Variants in BRPF1 observed in about 807,000 individuals in gnomAD.
The protein encoded by BRPF1 is bromodomain and PHD finger containing 1, also known as peregrin.
In BRPF1, 15 loss-of-function variants were observed where a neutral mutation model predicts 115.0. That is an observed-to-expected ratio of 0.13 (90% CI 0.09 to 0.20). The LOEUF is 0.20. Among genes scored for constraint, BRPF1 ranks in the 10% least tolerant of loss-of-function variants. The pLI is 1.00. For missense variants in BRPF1, 1,118 were observed against 1,638.3 expected, an observed-to-expected ratio of 0.68 and a Z score of 5.48; for synonymous variants, 647 against 619.8, an observed-to-expected ratio of 1.04 and a Z score of -0.65.
chr3:9,745,425 C>T lies in BRPF1; in HGVS notation c.3069-148C>T. ...CTCTGTTAGGTCATCAGCCTAGCCC[C>T]TGTGGGTGTTTGAATTTGAAATTCC... is the stretch of plus-strand genomic sequence containing the variant. On this transcript the variant is annotated intron_variant, in intron 10 of 13. Transcript: ENST00000383829. This position sits in a 1 kb window ranked among gnomAD's most constrained non-coding sequence, Gnocchi z 5.1. 9.6e-7 allele frequency: 1 copy of T among 1,045,336 alleles called. No individual in the cohort carries two copies. Among genetic ancestry groups the T allele is most frequent in the South Asian group, 1.5e-5 (1 of 65,362 alleles). The allele number at this position is 1,045,336 out of a possible 1,614,324, so 64.8% of individuals were successfully genotyped here.
Position 9,742,825 on chromosome 3 carries a change from G to T in BRPF1, c.2002-119G>T, listed in dbSNP as rs896899097. 10 of 1,103,732 alleles carry T rather than the reference G, an allele frequency of 9.1e-6. No homozygotes were observed. The Admixed American group carries it at 2.5e-4, about 27-fold the overall frequency. 68.4% of individuals were successfully genotyped at this position (1,103,732 alleles called of 1,614,324 possible). On this transcript the variant is annotated intron_variant, in intron 6 of 13. Transcript: ENST00000383829. ...TTCCTTTCCCCTGTGCTATATGCCT[G>T]CCTCTAACTGTGGTGGGAGGAGGTT...
rs2077001665 is a variant in BRPF1, at chr3:9,739,918, G to A, written c.1519G>A (p.Ala507Thr). The stretch of plus-strand genomic sequence containing the variant: ...GAAGATCCTGGCAGAGAAGCGGGCA[G>A]CAGCACCTGTGGTGTCAGTGCCCTG... The part of the protein sequence containing the change: ...ARKILAEKRA[A>T]APVVSVPCIP... Residue 507 changes from alanine (A) to threonine (T), a missense_variant, in exon 3 of 14, where the codon GCA becomes ACA. Coordinates refer to ENST00000383829, the MANE Select transcript of BRPF1 (RefSeq NM_001003694.2). The A allele has an allele frequency of 1.1e-5, 18 of 1,581,356 alleles. No homozygotes were observed. Among genetic ancestry groups the A allele is most frequent in the Non-Finnish European group, 1.5e-5 (17 of 1,164,094 alleles).
Position 9,739,497 on chromosome 3 carries a change from C to T in BRPF1, c.1098C>T (p.Val366=), listed in dbSNP as rs1287336933. The T allele has an allele frequency of 6.2e-7, 1 of 1,613,284 alleles. No homozygotes were observed. The highest frequency in any genetic ancestry group is 8.5e-7 in the Non-Finnish European group (1 of 1,179,434). ...WIPEVCFANT[V]FLEPIDSIEH... ...CTGAGGTCTGCTTCGCCAACACGGT[C>T]TTCCTAGAGCCTATTGACAGCATTG... is the stretch of plus-strand genomic sequence containing the variant. Residue 366 remains valine (V), a synonymous_variant, in exon 3 of 14, where the codon GTC becomes GTT. Transcript: ENST00000383829.
chr3:9,743,764 G>A lies in BRPF1; in HGVS notation c.2498G>A (p.Arg833Gln), dbSNP rs371217917. Residue 833 changes from arginine to glutamine, a missense_variant, in exon 8 of 14, where the codon CGA becomes CAA. Coordinates refer to ENST00000383829, the MANE Select transcript of BRPF1 (RefSeq NM_001003694.2). This position sits in a 1 kb window ranked among gnomAD's most constrained non-coding sequence, Gnocchi z 6.1. ...CTGCGGCGGAAGCTTGCCCATCAGCGAGAGACGGGACGTGATGGCCCTGAG... is the reference window on the plus strand; with the variant it reads ...CTGCGGCGGAAGCTTGCCCATCAGCAAGAGACGGGACGTGATGGCCCTGAG... ...TALRRKLAHQ[R>Q]ETGRDGPERH... 1.1e-5 allele frequency: 17 copies of A among 1,614,194 alleles called. No individual in the cohort carries two copies. The highest frequency in any genetic ancestry group is 5.3e-5 in the African/African-American group (4 of 75,056).
chr3:9,743,807 C>T lies in BRPF1; in HGVS notation c.2541C>T (p.Ser847=). ...GCCCTGAGCGGCATGGCCCCTCGAG[C>T]CGGGGTAGTCTGACACCCCACCCGG... is the stretch of plus-strand genomic sequence containing the variant. The part of the protein sequence containing the change: ...RDGPERHGPS[S]RGSLTPHPAA... The change falls in exon 8 of 14, where the codon AGC becomes AGT. Residue 847 remains serine (S), a synonymous_variant. Coordinates refer to ENST00000383829, the MANE Select transcript of BRPF1 (RefSeq NM_001003694.2). This position sits in a 1 kb window ranked among gnomAD's most constrained non-coding sequence, Gnocchi z 6.1. 1.9e-6 allele frequency: 3 copies of T among 1,611,254 alleles called. No individual in the cohort carries two copies. The highest frequency in any genetic ancestry group is 2.5e-6 in the Non-Finnish European group (3 of 1,177,676).
At chr3:9,733,725 G>A (rs1352095653) in intron 1 of BRPF1, among the ~76,000 whole-genome samples, 1 of 152,190 alleles carries the variant, frequency 6.6e-6, no homozygotes, top group African/African-American at 2.4e-5. Context: ...AAAAACAGCT[G>A]TAACTTGTAA....
At position 9,743,133 on chromosome 3, in the gene BRPF1, G is replaced by A. The variant is rs770573512; in HGVS notation, c.2191G>A (p.Gly731Ser). 6.2e-7 allele frequency: 1 copy of A among 1,614,240 alleles called. No individual in the cohort carries two copies. The highest frequency in any genetic ancestry group is 1.1e-5 in the South Asian group (1 of 91,088). ...GGCAGCAGTGCGGCTTCGTGAGCAG[G>A]GTGGTGCTGTGCTCCGCCAGGCCCG... ...YRAAVRLREQGGAVLRQARRQ... is the reference protein window; with the variant it reads ...YRAAVRLREQSGAVLRQARRQ... The change falls in exon 7 of 14, where the codon GGT (glycine) becomes AGT (serine). Residue 731 changes from glycine to serine, a missense_variant. Around this residue, in one of 10 missense-constraint regions of BRPF1, gnomAD observed 223 missense variants for 240.7 expected, o/e 0.93. Transcript: ENST00000383829. This position sits in a 1 kb window ranked among gnomAD's most constrained non-coding sequence, Gnocchi z 6.1.
intron 1 of BRPF1, among the ~76,000 whole-genome samples, chr3:9,733,743 G>A (rs564064406): frequency 1.3e-5 from 2 of 152,206 alleles, no homozygotes; most frequent in Non-Finnish European, 2.9e-5. Flanking sequence ...TAAAAAGAAA[G>A]GAGGACTAGG....
intron 12 of BRPF1, 79 bp downstream of exon 12, chr3:9,746,009 T>C: frequency 1.4e-6 from 2 of 1,476,294 alleles, no homozygotes; most frequent in Non-Finnish European, 1.9e-6. Flanking sequence ...TCCTACTCCC[T>C]GCTGAGCTGT....
In BRPF1 at chr3:9,743,396, A is replaced by G. The variant is rs2077064799; in HGVS notation, c.2311+143A>G. The G allele has an allele frequency of 7.8e-7, 1 of 1,277,158 alleles. No homozygotes were observed. Among genetic ancestry groups the G allele is most frequent in the Non-Finnish European group, 1.1e-6 (1 of 935,744 alleles). 79.1% of individuals were successfully genotyped at this position (1,277,158 alleles called of 1,614,324 possible). On this transcript the variant is annotated intron_variant, in intron 7 of 13. Coordinates refer to ENST00000383829, the MANE Select transcript of BRPF1 (RefSeq NM_001003694.2). The surrounding 1 kb of genome is among the most constrained non-coding windows in gnomAD (Gnocchi z 6.1). Reference sequence around the variant, plus strand: ...AAGCTATCCCCAGGAATGCTCCCCAAGAAGCCAGACTGGGTGAATGGATAG... The same window carrying G: ...AAGCTATCCCCAGGAATGCTCCCCAGGAAGCCAGACTGGGTGAATGGATAG...
At position 9,734,368 on chromosome 3, in the gene BRPF1, C is replaced by G. The variant is rs1411894599; in HGVS notation, c.228C>G (p.Pro76=). 6.2e-7 allele frequency: 1 copy of G among 1,614,134 alleles called. No individual in the cohort carries two copies. Among genetic ancestry groups the G allele is most frequent in the African/African-American group, 1.3e-5 (1 of 75,032 alleles). The change falls in exon 2 of 14, where the codon CCC becomes CCG. Residue 76 remains proline, a synonymous_variant. Transcript: ENST00000383829. The surrounding 1 kb of genome is among the most constrained non-coding windows in gnomAD (Gnocchi z 5.7). ...RQSRPANKQS[P]SPSEVSQSPG... is the part of the protein sequence containing the mutation. ...CACGCCCAGCCAACAAGCAGTCACC[C>G]AGCCCCTCAGAGGTCTCACAGTCAC...
At chr3:9,737,067 C>T (rs2125496631) in intron 2 of BRPF1, among the ~76,000 whole-genome samples, 1 of 152,328 alleles carries the variant, frequency 6.6e-6, no homozygotes, top group South Asian at 2.1e-4. Context: ...AGATGGTTCA[C>T]ACCATCCATG....
In BRPF1 at chr3:9,747,240, G is replaced by GCCGCAAGTCCAACAT; in HGVS notation, c.3564_3578dup (p.Asn1189_Ser1193dup). ...CTAGACAAGGAGAAGATGCTGGAGG[G>GCCGCAAGTCCAACAT]CCGCAAGTCCAACATCCGCAAGTCA... On this transcript the variant is annotated inframe_insertion, in exon 14 of 14. Coordinates refer to ENST00000383829, the MANE Select transcript of BRPF1 (RefSeq NM_001003694.2). The surrounding 1 kb of genome is among the most constrained non-coding windows in gnomAD (Gnocchi z 5.6). 6.2e-7 allele frequency: 1 copy of GCCGCAAGTCCAACAT among 1,614,186 alleles called. No individual in the cohort carries two copies. The highest frequency in any genetic ancestry group is 2.2e-5 in the East Asian group (1 of 44,890).
At chr3:9,746,507 G>A (rs2077128739) in intron 13 of BRPF1, 53 bp downstream of exon 13, 5 of 1,471,964 alleles carry the variant, frequency 3.4e-6, no homozygotes, top group African/African-American at 1.4e-5. Flanking sequence ...AGCCCTGTGT[G>A]GTATGGGGGC....
rs769564969 is a variant in BRPF1 at position 9,743,565 on chromosome 3, A to G, written c.2312-13A>G. ...CCCTGAGTCTGACCTTTCCCCTCCA[A>G]CCCTACCCCTAGCAGCCGAGGAAGA... is the stretch of plus-strand genomic sequence containing the variant. On this transcript the variant is annotated splice_polypyrimidine_tract_variant and intron_variant, in intron 7 of 13. Transcript: ENST00000383829. The surrounding 1 kb of genome is among the most constrained non-coding windows in gnomAD (Gnocchi z 6.1). The G allele has an allele frequency of 1.2e-6, 2 of 1,607,930 alleles. No homozygotes were observed. The highest frequency in any genetic ancestry group is 1.7e-5 in the Admixed American group (1 of 59,754).
chr3:9,735,018 T>C lies in BRPF1; in HGVS notation c.599+279T>C, dbSNP rs971824902. On this transcript the variant is annotated intron_variant, in intron 2 of 13. Coordinates refer to ENST00000383829, the MANE Select transcript of BRPF1 (RefSeq NM_001003694.2). ...TCAAGAAAGGGTGCCAGATTTATCC[T>C]TTTTTTTTTTTTTTTTTTTTTTGAG... Among the ~76,000 whole-genome samples the C allele has an allele frequency of 9.7e-5, 11 of 113,670 alleles. No homozygotes were observed. The South Asian group carries it at 2.1e-3, about 22-fold the overall frequency. The allele number at this position is 113,670 out of a possible 152,430, so 74.6% of individuals were successfully genotyped here. A position where few individuals can be genotyped will look rare whatever the true frequency, so the allele number is the denominator to read the frequency against.
At chr3:9,732,710 T>C (rs1267817250) in intron 1 of BRPF1, 2 of 152,242 alleles carry the variant, frequency 1.3e-5, no homozygotes, top group Non-Finnish European at 2.9e-5. Flanking sequence ...AGAGTTGCAG[T>C]TGGACGTGTA....
chr3:9,739,768 C>T lies in BRPF1; in HGVS notation c.1369C>T (p.Pro457Ser), dbSNP rs199938433. 1.1e-5 allele frequency: 18 copies of T among 1,614,132 alleles called. No individual in the cohort carries two copies. Among genetic ancestry groups the T allele is most frequent in the Non-Finnish European group, 1.4e-5 (17 of 1,179,990 alleles). Residue 457 changes from proline (P) to serine (S), a missense_variant, in exon 3 of 14, where the codon CCT (proline) becomes TCT (serine). By Grantham distance (74) the Pro-to-Ser change is moderately conservative. Transcript: ENST00000383829. ...GCCTCCAGGTTCAGCACGCCGACTGCCTGCCCTGTCCCACAGCGAGGGTGA... is the reference window on the plus strand; with the variant it reads ...GCCTCCAGGTTCAGCACGCCGACTGTCTGCCCTGTCCCACAGCGAGGGTGA... ...HTPPGSARRL[P>S]ALSHSEGEED... is the part of the protein sequence containing the mutation.
In BRPF1 at chr3:9,745,246, C is replaced by G; in HGVS notation, c.3068+91C>G. Reference sequence around the variant, plus strand: ...GGTTTCCCTGTTGGAAGTGGGGTGGCAGCCATCTCAGTCTAGATTAAGATG... The same window carrying G: ...GGTTTCCCTGTTGGAAGTGGGGTGGGAGCCATCTCAGTCTAGATTAAGATG... On this transcript the variant is annotated intron_variant, in intron 10 of 13. Coordinates refer to ENST00000383829, the MANE Select transcript of BRPF1 (RefSeq NM_001003694.2). This position sits in a 1 kb window ranked among gnomAD's most constrained non-coding sequence, Gnocchi z 5.1. The G allele has an allele frequency of 6.9e-7, 1 of 1,443,738 alleles. No individual in the cohort carries two copies. Among genetic ancestry groups the G allele is most frequent in the Non-Finnish European group, 9.3e-7 (1 of 1,077,554 alleles). The allele number at this position is 1,443,738 out of a possible 1,614,324, so 89.4% of individuals were successfully genotyped here. A position where few individuals can be genotyped will look rare whatever the true frequency, so the allele number is the denominator to read the frequency against.
Sources: allele counts gnomAD v4.1 joint callset (sites outside exome capture counted in the v4.1 genomes callset), GRCh38; gene constraint gnomAD v4.1.1; regional missense constraint gnomAD v4.1.1; non-coding constraint Gnocchi (gnomAD v3.1); transcripts MANE v1.5; gene names NCBI Gene and HGNC (gene_info 2026-07-23, HGNC 2026-07-21).